Variants in SSH2 observed in about 807,000 individuals in gnomAD.
SSH2 encodes the protein slingshot protein phosphatase 2.
A neutral mutation model predicts 135.2 loss-of-function variants in SSH2; 37 were observed. The ratio of observed to expected loss-of-function variants is 0.27; its 90% CI spans 0.21 to 0.36. SSH2 has a LOEUF of 0.36. Ranked by LOEUF, SSH2 falls within the 10% of genes least tolerant of loss-of-function variation. The pLI is 1.00. For missense variants in SSH2, 1,408 were observed against 1,765.3 expected (o/e 0.80, Z 3.63); for synonymous variants, 628 against 646.2 (o/e 0.97, Z 0.43).
chr17:29,803,374 T>A (rs1279231185), intron 2 of SSH2, among the ~76,000 whole-genome samples: 1 of 152,118 alleles, frequency 6.6e-6, no homozygotes, highest in Non-Finnish European at 1.5e-5. Flanking sequence ...CCTAGATGGG[T>A]GGAAAGCTGG....
intron 3 of SSH2, among the ~76,000 whole-genome samples, chr17:29,790,572 T>C (rs750833357): frequency 2.6e-5 from 4 of 152,194 alleles, no homozygotes; most frequent in Non-Finnish European, 5.9e-5. Flanking sequence ...TTGCAAATAT[T>C]TTCTTCTGTT....
chr17:29,726,513 G>C (rs2040007608), intron 3 of SSH2, among the ~76,000 whole-genome samples: 1 of 152,174 alleles, frequency 6.6e-6, no homozygotes, highest in Non-Finnish European at 1.5e-5. Flanking sequence ...GAAAAAGGGA[G>C]ACAGATGTCA....
At chr17:29,674,375 G>A (rs2037619353) in intron 8 of SSH2, among the ~76,000 whole-genome samples, 1 of 152,176 alleles carries the variant, frequency 6.6e-6, no homozygotes, top group Non-Finnish European at 1.5e-5. Context: ...AGCCAGCTTA[G>A]TGTAACTTAC....
chr17:29,632,806 T>C lies in SSH2; in HGVS notation c.2388A>G (p.Lys796=). The change falls in exon 16 of 16, where the codon AAA becomes AAG. Residue 796 remains lysine (K), a synonymous_variant. Transcript: ENST00000540801. The part of the protein sequence containing the change: ...ISQGVGQIQL[K]GDILPNPCHT... ...GGCATGGGTTGGGTAAGATGTCTCC[T>C]TTCAGTTGAATCTGCCCAACTCCTT... 6.2e-7 allele frequency: 1 copy of C among 1,614,200 alleles called. No individual in the cohort carries two copies. Among genetic ancestry groups the C allele is most frequent in the Non-Finnish European group, 8.5e-7 (1 of 1,180,044 alleles).
intron 3 of SSH2, among the ~76,000 whole-genome samples, chr17:29,746,375 G>A (rs868860004): frequency 1.3e-5 from 2 of 151,136 alleles, no homozygotes; most frequent in African/African-American, 4.9e-5. Flanking sequence ...GCGAAACTCC[G>A]CCTCTACTAA....
intron 3 of SSH2, among the ~76,000 whole-genome samples, chr17:29,722,471 T>C (rs139447569): frequency 1.3e-5 from 2 of 152,260 alleles, no homozygotes; most frequent in East Asian, 1.9e-4. Context: ...GCAATGTCCT[T>C]TGAGTAACTC....
At chr17:29,908,153 AT>A (rs2066691324) in intron 1 of SSH2, among the ~76,000 whole-genome samples, 1 of 151,706 alleles carries the variant, frequency 6.6e-6, no homozygotes, top group Non-Finnish European at 1.5e-5. Flanking sequence ...CTTTCCCTAA[AT>A]TTTTCACTAA....
Position 29,754,691 on chromosome 17 carries a change from G to A in SSH2, c.188+39203C>T, listed in dbSNP as rs184627397. ...TTTTTATTTATTTATTTTTGAGACA[G>A]GGTTTTGCTCTGTTGCCCAGGCTGA... On this transcript the variant is annotated intron_variant, in intron 3 of 15. Transcript: ENST00000540801. 1.2e-3 allele frequency among the ~76,000 whole-genome samples: 188 copies of A among 152,214 alleles called. 1 individual carries two copies. The highest frequency in any genetic ancestry group is 2.0e-3 in the Non-Finnish European group (135 of 68,014).
At chr17:29,747,957 A>C (rs1307725463) in intron 3 of SSH2, among the ~76,000 whole-genome samples, 2 of 152,166 alleles carry the variant, frequency 1.3e-5, no homozygotes, top group Non-Finnish European at 1.5e-5. Flanking sequence ...ATCAGTGTTA[A>C]GTCTAGAGAC....
At chr17:29,860,373 T>C (rs528059484) in intron 1 of SSH2, among the ~76,000 whole-genome samples, 6 of 152,288 alleles carry the variant, frequency 3.9e-5, no homozygotes, top group South Asian at 2.1e-4. Flanking sequence ...TGAGCTTTTT[T>C]TCATATGATT....
At chr17:29,763,684 T>G (rs754604654) in intron 3 of SSH2, among the ~76,000 whole-genome samples, 2 of 152,182 alleles carry the variant, frequency 1.3e-5, no homozygotes, top group Non-Finnish European at 2.9e-5. Flanking sequence ...CAATTCATAC[T>G]TAATATCTCT....
At chr17:29,676,584 G>A (rs2037731780) in intron 8 of SSH2, 2 of 461,592 alleles carry the variant, frequency 4.3e-6, no homozygotes, top group Non-Finnish European at 7.9e-6. Flanking sequence ...GTCTCTGCCA[G>A]AGCCTAAGAA....
chr17:29,779,441 C>T (rs939843979), intron 3 of SSH2, among the ~76,000 whole-genome samples: 2 of 152,064 alleles, frequency 1.3e-5, no homozygotes, highest in African/African-American at 2.4e-5. Context: ...CTGGTGGCCA[C>T]CCCCCAAACA....
At chr17:29,754,969 T>C (rs1170842181) in intron 3 of SSH2, among the ~76,000 whole-genome samples, 5 of 152,228 alleles carry the variant, frequency 3.3e-5, no homozygotes, top group Non-Finnish European at 1.5e-5. Context: ...GGGAATATTT[T>C]AAATGGTAGT....
chr17:29,716,048 A>G (rs1461329646), intron 3 of SSH2, among the ~76,000 whole-genome samples: 1 of 152,096 alleles, frequency 6.6e-6, no homozygotes, highest in Non-Finnish European at 1.5e-5. Flanking sequence ...TCTCTCAATT[A>G]CTTTCTCTCA....
intron 1 of SSH2, among the ~76,000 whole-genome samples, chr17:29,920,292 C>T (rs2066953659): frequency 6.6e-6 from 1 of 152,230 alleles, no homozygotes; most frequent in African/African-American, 2.4e-5. Context: ...TGCTCCCTCT[C>T]ACTTAAAGCC....
chr17:29,738,556 TTTTA>T (rs991088181), intron 3 of SSH2, among the ~76,000 whole-genome samples: 3 of 148,366 alleles, frequency 2.0e-5, no homozygotes, highest in African/African-American at 2.5e-5. Flanking sequence ...TTTTATTTTA[TTTTA>T]TTTTTTTTTT....
intron 2 of SSH2, among the ~76,000 whole-genome samples, chr17:29,815,435 T>A (rs2042541001): frequency 6.6e-6 from 1 of 151,988 alleles, no homozygotes; most frequent in South Asian, 2.1e-4. Flanking sequence ...ATTTTTTGTA[T>A]TTTTTAGTAG....
chr17:29,818,414 A>T (rs2151338332), intron 2 of SSH2, among the ~76,000 whole-genome samples: 1 of 152,006 alleles, frequency 6.6e-6, no homozygotes, highest in African/African-American at 2.4e-5. Flanking sequence ...AAGCCCGGCT[A>T]ATTTTTCGTA....
Sources: allele counts gnomAD v4.1 joint callset (sites outside exome capture counted in the v4.1 genomes callset), GRCh38; gene constraint gnomAD v4.1.1; transcripts MANE v1.5; gene names NCBI Gene and HGNC (gene_info 2026-07-23, HGNC 2026-07-21).